SETBP1: variants seen among roughly 807,000 people sequenced by gnomAD.
The protein encoded by SETBP1 is SET binding protein 1.
SETBP1 carries 9 observed loss-of-function variants against 101.0 expected under a neutral mutation model. That is an observed-to-expected ratio of 0.09 (90% CI 0.05 to 0.16). The LOEUF is 0.16. Ranked by LOEUF, SETBP1 falls within the 10% of genes least tolerant of loss-of-function variation. The pLI is 1.00. For synonymous variants in SETBP1, 818 were observed against 788.5 expected (o/e 1.04, Z -0.63); for missense variants, 1,858 against 2,033.8 (o/e 0.91, Z 1.66).
chr18:44,861,229 CTTTTTTTT>C (rs775284488), intron 2 of SETBP1, among the ~76,000 whole-genome samples: 17,463 of 88,914 alleles, frequency 0.2, 1,379 homozygotes, highest in African/African-American at 0.3. Flanking sequence ...TTTTTCTTTT[CTTTTTTTT>C]TTTTTTTTTT....
At chr18:44,954,329 T>TAAAAAAAAAAAAAAAAAAAAAA (rs5824565) in intron 4 of SETBP1, among the ~76,000 whole-genome samples, 2 of 71,608 alleles carry the variant, frequency 2.8e-5, no homozygotes, top group Non-Finnish European at 5.4e-5. Context: ...TTGCAGAAGC[T>TAAAAAAAAAAAAAAAAAAAAAA]AAAAAAAAAA....
intron 2 of SETBP1, among the ~76,000 whole-genome samples, chr18:44,794,823 T>A (rs983545415): frequency 1.3e-5 from 2 of 152,182 alleles, no homozygotes; most frequent in Non-Finnish European, 2.9e-5. Flanking sequence ...TGTTTAGGGA[T>A]GACTATTGGT....
At chr18:44,837,409 C>T (rs1384324004) in intron 2 of SETBP1, among the ~76,000 whole-genome samples, 1 of 152,070 alleles carries the variant, frequency 6.6e-6, no homozygotes, top group African/African-American at 2.4e-5. Context: ...ATTTAAATAC[C>T]TTTATAAATG....
At chr18:44,921,582 T>C (rs548822213) in intron 3 of SETBP1, among the ~76,000 whole-genome samples, 7 of 152,202 alleles carry the variant, frequency 4.6e-5, no homozygotes, top group Non-Finnish European at 8.8e-5. Context: ...GCTTTATACC[T>C]TTGGAAATGC....
chr18:44,755,412 A>C (rs2070469668), intron 2 of SETBP1, among the ~76,000 whole-genome samples: 1 of 152,166 alleles, frequency 6.6e-6, no homozygotes, highest in African/African-American at 2.4e-5. Context: ...GGAGCGGGCT[A>C]GGACAAAGTA....
chr18:44,900,544 C>T (rs2070019244), intron 3 of SETBP1, among the ~76,000 whole-genome samples: 1 of 152,050 alleles, frequency 6.6e-6, no homozygotes, highest in Non-Finnish European at 1.5e-5. Flanking sequence ...CTCTGTTCTC[C>T]CAAGGATGAT....
At chr18:44,956,952 T>G (rs980703065) in intron 4 of SETBP1, among the ~76,000 whole-genome samples, 3 of 152,182 alleles carry the variant, frequency 2.0e-5, no homozygotes, top group African/African-American at 7.2e-5. Flanking sequence ...TACGCCTCCT[T>G]TTTTTGGTTT....
intron 3 of SETBP1, among the ~76,000 whole-genome samples, chr18:44,937,296 C>CA (rs1015716130): frequency 1.1e-3 from 167 of 149,634 alleles, no homozygotes; most frequent in South Asian, 2.8e-3. Flanking sequence ...ACTAAAAATA[C>CA]AAAAAAAAAT....
At chr18:44,724,314 C>G (rs1052101926) in intron 2 of SETBP1, among the ~76,000 whole-genome samples, 13 of 152,020 alleles carry the variant, frequency 8.6e-5, no homozygotes, top group Non-Finnish European at 1.3e-4. Flanking sequence ...TCTTACTGCT[C>G]TAGCGGACAT....
intron 5 of SETBP1, among the ~76,000 whole-genome samples, chr18:45,046,641 G>T (rs2073618679): frequency 6.6e-6 from 1 of 152,194 alleles, no homozygotes; most frequent in Admixed American, 6.5e-5. Flanking sequence ...ATGGAAAACG[G>T]GAGAGTGCAT....
rs531926282 is a variant in SETBP1, at chr18:44,801,004, C to G, written c.487-68226C>G. On this transcript the variant is annotated intron_variant, in intron 2 of 5. Transcript: ENST00000649279. Reference sequence around the variant, plus strand: ...TAGGGACATGGATGAAGCTGCAAACCATCATTCTCAGCAAACTACCATAAG... The same window carrying G: ...TAGGGACATGGATGAAGCTGCAAACGATCATTCTCAGCAAACTACCATAAG... Among the ~76,000 whole-genome samples, 36 of 152,196 alleles carry G rather than the reference C, an allele frequency of 2.4e-4. No homozygotes were observed. In the South Asian group the frequency reaches 6.8e-3, roughly 29 times the overall value.
At chr18:44,927,130 G>C (rs767027075) in intron 3 of SETBP1, among the ~76,000 whole-genome samples, 1 of 152,106 alleles carries the variant, frequency 6.6e-6, no homozygotes, top group Non-Finnish European at 1.5e-5. Flanking sequence ...CTGTAAAATA[G>C]GGTCTCCAAC....
chr18:45,027,607 T>C (rs893848703), intron 4 of SETBP1, among the ~76,000 whole-genome samples: 22 of 152,308 alleles, frequency 1.4e-4, no homozygotes, highest in African/African-American at 4.8e-4. Flanking sequence ...CTTTAACATA[T>C]GTAAGAAATA....
intron 3 of SETBP1, among the ~76,000 whole-genome samples, chr18:44,882,620 C>G (rs2069556163): frequency 1.3e-5 from 2 of 152,042 alleles, no homozygotes; most frequent in Non-Finnish European, 2.9e-5. Context: ...TAGTGAGTGA[C>G]TCTTGGACTC....
intron 4 of SETBP1, among the ~76,000 whole-genome samples, chr18:44,970,525 C>T (rs1487695450): frequency 6.6e-6 from 1 of 152,064 alleles, no homozygotes; most frequent in Non-Finnish European, 1.5e-5. Context: ...CAATAGAATA[C>T]ATCACTGTTG....
At chr18:44,689,040 C>T (rs1304879503) in intron 1 of SETBP1, among the ~76,000 whole-genome samples, 1 of 152,150 alleles carries the variant, frequency 6.6e-6, no homozygotes, top group Non-Finnish European at 1.5e-5. Context: ...CATTCTTCTG[C>T]AGCCAAAGTT....
At chr18:44,820,588 C>T (rs566248665) in intron 2 of SETBP1, among the ~76,000 whole-genome samples, 1 of 152,144 alleles carries the variant, frequency 6.6e-6, no homozygotes. Context: ...CAGAGACCCT[C>T]CATACTGGAG....
intron 2 of SETBP1, among the ~76,000 whole-genome samples, chr18:44,706,521 G>A (rs1415546461): frequency 6.9e-6 from 1 of 145,744 alleles, no homozygotes; most frequent in Non-Finnish European, 1.5e-5. Flanking sequence ...CCAAGAGGTG[G>A]AGGTTGCAGT....
At chr18:44,838,926 T>C (rs2072555098) in intron 2 of SETBP1, among the ~76,000 whole-genome samples, 1 of 152,160 alleles carries the variant, frequency 6.6e-6, no homozygotes, top group Admixed American at 6.5e-5. Context: ...GTGACAAAGA[T>C]GAACTGATCC....
Sources: gnomAD v4.1 joint callset for allele counts (sites outside exome capture counted in the v4.1 genomes callset) on GRCh38, gnomAD v4.1.1 for gene constraint, MANE v1.5 for transcripts, NCBI Gene and HGNC (gene_info 2026-07-23, HGNC 2026-07-21) for gene names.